Variants in NUP205 observed in about 807,000 individuals in gnomAD.
NUP205 encodes the protein nuclear pore complex protein Nup205.
NUP205 carries 76 observed loss-of-function variants against 253.8 expected under a neutral mutation model. The ratio of observed to expected loss-of-function variants is 0.30; its 90% CI spans 0.25 to 0.36. The LOEUF is 0.36. NUP205 is among the 10% of genes least tolerant of loss of function. The pLI is 1.00. For synonymous variants in NUP205, 832 were observed against 850.1 expected (o/e 0.98, Z 0.37); for missense variants, 2,162 against 2,425.5 (o/e 0.89, Z 2.28).
At chr7:135,570,683 AT>A (rs1289319022) in intron 1 of NUP205, among the ~76,000 whole-genome samples, 2 of 81,610 alleles carry the variant, frequency 2.5e-5, no homozygotes, top group African/African-American at 4.4e-5. Flanking sequence ...ATATATATTA[AT>A]TATATTAATA....
chr7:135,564,036 A>G (rs1805671419), intron 1 of NUP205, among the ~76,000 whole-genome samples: 1 of 151,970 alleles, frequency 6.6e-6, no homozygotes, highest in South Asian at 2.1e-4. Flanking sequence ...AACTCAAGAC[A>G]GATTGAAGAT....
chr7:135,595,981 C>A (rs1168039458), intron 13 of NUP205, among the ~76,000 whole-genome samples: 2 of 151,882 alleles, frequency 1.3e-5, no homozygotes, highest in Non-Finnish European at 1.5e-5. Flanking sequence ...GTTGCCCAGG[C>A]TGGAGTGCAA....
At chr7:135,600,809 C>A in intron 15 of NUP205, 61 bp from the exon 16 acceptor site, 2 of 945,402 alleles carry the variant, frequency 2.1e-6, no homozygotes, top group Non-Finnish European at 3.2e-6. Flanking sequence ...AGTGAAAAGC[C>A]TTGCAAGGCC....
chr7:135,641,804 A>C (rs1269064746), intron 38 of NUP205, among the ~76,000 whole-genome samples: 1 of 151,422 alleles, frequency 6.6e-6, no homozygotes, highest in East Asian at 1.9e-4. Context: ...CTGTCTCAAA[A>C]AAAAACAAGA....
At chr7:135,603,522 CT>C in intron 18 of NUP205, among the ~76,000 whole-genome samples, 1 of 119,624 alleles carries the variant, frequency 8.4e-6, no homozygotes, top group South Asian at 2.6e-4. Context: ...TTTTTTTTGT[CT>C]TTTTGAGACA....
At position 135,578,856 on chromosome 7, in the gene NUP205, C is replaced by T; in HGVS notation, c.983C>T (p.Thr328Ile). 1 of 1,611,858 alleles carries T rather than the reference C, an allele frequency of 6.2e-7. No homozygotes were observed. The highest frequency in any genetic ancestry group is 8.5e-7 in the Non-Finnish European group (1 of 1,179,350). ...QLWKLPGLQA[T>I]VRLAWALALR... The stretch of plus-strand genomic sequence containing the variant: ...TGGAAACTGCCTGGGCTCCAAGCCA[C>T]TGTTAGACTTGCCTGGGCGCTGGCA... Residue 328 changes from threonine to isoleucine, a missense_variant, in exon 7 of 43, where the codon ACT becomes ATT. This residue lies in a region of NUP205 where 892 missense variants were observed against 957.1 expected (regional missense o/e 0.93). Coordinates refer to ENST00000285968, the MANE Select transcript of NUP205 (RefSeq NM_015135.3).
At chr7:135,568,806 T>A (rs1805860061) in intron 1 of NUP205, among the ~76,000 whole-genome samples, 1 of 152,236 alleles carries the variant, frequency 6.6e-6, no homozygotes, top group African/African-American at 2.4e-5. Context: ...TCTCTGATCC[T>A]TTGCTCACAC....
rs762809907 is a variant in NUP205, at chr7:135,643,241, T to A, written c.5442T>A (p.Ile1814=). 4 of 1,614,106 alleles carry A rather than the reference T, an allele frequency of 2.5e-6. No homozygotes were observed. Among genetic ancestry groups the A allele is most frequent in the Non-Finnish European group, 3.4e-6 (4 of 1,179,984 alleles). The change falls in exon 39 of 43, where the codon ATT becomes ATA. Residue 1814 remains isoleucine (I), a synonymous_variant. Transcript: ENST00000285968. ...VPYWRLPGLG[I]IIYLLKQSAN... ...ACTGGCGCCTGCCTGGTTTAGGCAT[T>A]ATCATCTACCTGCTGAAACAGAGTG... is the stretch of plus-strand genomic sequence containing the variant.
chr7:135,603,743 C>A (rs752702979), intron 18 of NUP205, among the ~76,000 whole-genome samples: 3 of 152,160 alleles, frequency 2.0e-5, no homozygotes, highest in Non-Finnish European at 4.4e-5. Context: ...CTCCTGACCT[C>A]AAGCAGTCCG....
intron 10 of NUP205, among the ~76,000 whole-genome samples, chr7:135,589,845 A>G (rs188979280): frequency 6.6e-6 from 1 of 151,120 alleles, no homozygotes; most frequent in African/African-American, 2.4e-5. Context: ...AGGTGGGAGG[A>G]TCATTTGGGC....
chr7:135,603,026 T>G, intron 18 of NUP205, 32 bp downstream of exon 18: 1 of 1,501,338 alleles, frequency 6.7e-7, no homozygotes, highest in South Asian at 1.2e-5. Flanking sequence ...AGAAATGAAG[T>G]AAACAGATAG....
At chr7:135,576,214 C>T in intron 3 of NUP205, 56 bp from the exon 4 acceptor site, 1 of 1,468,676 alleles carries the variant, frequency 6.8e-7, no homozygotes, top group Non-Finnish European at 9.5e-7. Context: ...ATTTTTGTCT[C>T]CTCCTAAACA....
At chr7:135,570,682 A>T (rs1229021875) in intron 1 of NUP205, among the ~76,000 whole-genome samples, 2 of 87,030 alleles carry the variant, frequency 2.3e-5, no homozygotes, top group African/African-American at 7.8e-5. Context: ...AATATATATT[A>T]ATTATATTAA....
intron 7 of NUP205, among the ~76,000 whole-genome samples, chr7:135,584,135 T>G (rs746531508): frequency 2.0e-5 from 3 of 152,142 alleles, no homozygotes; most frequent in South Asian, 2.1e-4. Flanking sequence ...ATTTTTGAGT[T>G]GTACACTGCA....
chr7:135,612,471 A>G (rs532406771), intron 22 of NUP205, among the ~76,000 whole-genome samples: 1 of 152,346 alleles, frequency 6.6e-6, no homozygotes, highest in Admixed American at 6.5e-5. Flanking sequence ...GCCTTTTTGC[A>G]CTTAGGGACA....
At chr7:135,566,641 A>T (rs190785905) in intron 1 of NUP205, among the ~76,000 whole-genome samples, 1 of 152,310 alleles carries the variant, frequency 6.6e-6, no homozygotes, top group Non-Finnish European at 1.5e-5. Context: ...CCTAATCTTC[A>T]GATTAGTTTA....
Position 135,625,220 on chromosome 7 carries a change from G to C in NUP205, c.4536G>C (p.Trp1512Cys). The change falls in exon 32 of 43, where the codon TGG becomes TGC. Residue 1512 changes from tryptophan to cysteine, a missense_variant. Coordinates refer to ENST00000285968, the MANE Select transcript of NUP205 (RefSeq NM_015135.3). The part of the protein sequence containing the change: ...RIVSVDKQQQ[W>C]LLYLSNSGYL... ...TCTCCGTGGATAAACAGCAGCAGTGGCTTTTGTATCTTTCTAACAGTGGCT... is the reference window on the plus strand; with the variant it reads ...TCTCCGTGGATAAACAGCAGCAGTGCCTTTTGTATCTTTCTAACAGTGGCT... 1 of 1,613,924 alleles carries C rather than the reference G, an allele frequency of 6.2e-7. No homozygotes were observed. Among genetic ancestry groups the C allele is most frequent in the Non-Finnish European group, 8.5e-7 (1 of 1,179,960 alleles).
At chr7:135,588,872 A>G (rs1299092478) in intron 10 of NUP205, among the ~76,000 whole-genome samples, 1 of 151,382 alleles carries the variant, frequency 6.6e-6, no homozygotes, top group Non-Finnish European at 1.5e-5. Context: ...TAACTAAAGT[A>G]TGATGTGCAG....
chr7:135,641,964 A>G (rs925458594), intron 38 of NUP205, among the ~76,000 whole-genome samples: 3 of 151,152 alleles, frequency 2.0e-5, no homozygotes, highest in Non-Finnish European at 4.4e-5. Context: ...TGAAATTGCC[A>G]CAGTGTTGGG....
Sources: gnomAD v4.1 joint callset for allele counts (sites outside exome capture counted in the v4.1 genomes callset) on GRCh38, gnomAD v4.1.1 for gene constraint, gnomAD v4.1.1 regional missense constraint, MANE v1.5 for transcripts, NCBI Gene and HGNC (gene_info 2026-07-23, HGNC 2026-07-21) for gene names.